The following NUDCD1 variants were observed in gnomAD, a reference collection of about 807,000 sequenced individuals.
NUDCD1 encodes nudC domain-containing protein 1.
NUDCD1 carries 60 observed loss-of-function variants against 67.8 expected under a neutral mutation model. That is an observed-to-expected ratio of 0.88 (90% confidence interval 0.72 to 1.10). The LOEUF (loss-of-function observed/expected upper bound fraction) is 1.10, where lower values mean the gene tolerates loss of function less well. NUDCD1 is among the 50% of genes least tolerant of loss of function. The pLI is 0.00. For missense variants in NUDCD1, 643 were observed against 695.0 expected, an observed-to-expected ratio of 0.93 and a Z score of 0.84; for synonymous variants, 244 against 230.8, an observed-to-expected ratio of 1.06 and a Z score of -0.52.
At chr8:109,326,872 G>A (rs1286508469) in intron 1 of NUDCD1, among the ~76,000 whole-genome samples, 2 of 152,154 alleles carry the variant, frequency 1.3e-5, no homozygotes, top group African/African-American at 4.8e-5. Context: ...AAACAGACCT[G>A]TCTCCTGCAC....
At chr8:109,243,497 G>A (rs1028652852) in intron 9 of NUDCD1, among the ~76,000 whole-genome samples, 196 bp from the exon 10 acceptor site, 1 of 151,936 alleles carries the variant, frequency 6.6e-6, no homozygotes, top group East Asian at 1.9e-4. Flanking sequence ...ACAAAAATAC[G>A]ACTTTAATTC....
At chr8:109,300,915 T>TA (rs1270410992) in intron 2 of NUDCD1, among the ~76,000 whole-genome samples, 1 of 152,180 alleles carries the variant, frequency 6.6e-6, no homozygotes, top group African/African-American at 2.4e-5. Context: ...GCTGAAGCCC[T>TA]ACAAGCTAGA....
intron 4 of NUDCD1, among the ~76,000 whole-genome samples, chr8:109,293,022 G>C (rs559887356): frequency 6.6e-6 from 1 of 151,670 alleles, no homozygotes; most frequent in African/African-American, 2.4e-5. Flanking sequence ...TTAGGTATAT[G>C]TTTCTGTGTA....
chr8:109,269,724 G>C (rs534364204), intron 8 of NUDCD1, among the ~76,000 whole-genome samples: 1 of 151,958 alleles, frequency 6.6e-6, no homozygotes, highest in Admixed American at 6.6e-5. Context: ...AGACCAAGTT[G>C]TTCTCAATCT....
chr8:109,277,383 T>C (rs1814314654), intron 6 of NUDCD1, among the ~76,000 whole-genome samples: 1 of 152,154 alleles, frequency 6.6e-6, no homozygotes, highest in African/African-American at 2.4e-5. Context: ...CCATCATTAA[T>C]TTGCACAGTT....
chr8:109,296,349 T>C, intron 3 of NUDCD1, 35 bp downstream of exon 3: 1 of 1,552,748 alleles, frequency 6.4e-7, no homozygotes, highest in Non-Finnish European at 8.9e-7. Context: ...ACATATACTT[T>C]CTGGACTTCG....
intron 1 of NUDCD1, among the ~76,000 whole-genome samples, chr8:109,330,795 C>G (rs1563688399): frequency 6.6e-6 from 1 of 152,140 alleles, no homozygotes; most frequent in East Asian, 1.9e-4. Flanking sequence ...GAACAGAACA[C>G]AAAACACCAC....
intron 8 of NUDCD1, among the ~76,000 whole-genome samples, chr8:109,245,911 G>A (rs1401402045): frequency 1.3e-5 from 2 of 152,210 alleles, no homozygotes; most frequent in African/African-American, 4.8e-5. Flanking sequence ...TGAGCAGCAG[G>A]CAAGGGAGCA....
intron 8 of NUDCD1, among the ~76,000 whole-genome samples, chr8:109,247,362 TA>T (rs1813522517): frequency 6.6e-6 from 1 of 152,152 alleles, no homozygotes; most frequent in East Asian, 1.9e-4. Context: ...TTATGAGGAT[TA>T]ATATAATTGA....
intron 1 of NUDCD1, among the ~76,000 whole-genome samples, chr8:109,332,829 T>A (rs1011336930): frequency 6.6e-5 from 10 of 152,188 alleles, no homozygotes; most frequent in Non-Finnish European, 1.2e-4. Context: ...CTCATCCTAG[T>A]CAACTCTTAA....
At chr8:109,327,827 C>G (rs62509871) in intron 1 of NUDCD1, among the ~76,000 whole-genome samples, 8 of 152,168 alleles carry the variant, frequency 5.3e-5, no homozygotes, top group Non-Finnish European at 1.2e-4. Context: ...ATAAAAAAGG[C>G]TTCCTTTTCT....
chr8:109,243,366 T>C (rs1813420692), intron 9 of NUDCD1, 65 bp from the exon 10 acceptor site: 5 of 1,234,194 alleles, frequency 4.1e-6, no homozygotes, highest in Non-Finnish European at 5.6e-6. Context: ...AAAATGATGA[T>C]TTAACATTTA....
At chr8:109,275,079 TAG>T (rs1181343851) in intron 7 of NUDCD1, among the ~76,000 whole-genome samples, 1 of 151,688 alleles carries the variant, frequency 6.6e-6, no homozygotes, top group African/African-American at 2.4e-5. Flanking sequence ...AGAATACATG[TAG>T]AGAGAGAGAG....
chr8:109,242,965 A>G lies in NUDCD1; in HGVS notation c.*44T>C. 7.6e-7 allele frequency: 1 copy of G among 1,320,066 alleles called. No individual in the cohort carries two copies. The highest frequency in any genetic ancestry group is 1.1e-6 in the Non-Finnish European group (1 of 931,970). 81.8% of individuals were successfully genotyped at this position (1,320,066 alleles called of 1,614,324 possible). On this transcript the variant is annotated 3_prime_UTR_variant, in exon 10 of 10. Coordinates refer to ENST00000239690, the MANE Select transcript of NUDCD1 (RefSeq NM_032869.4). ...ATAACTGTCCAGACCTCCAGGTACCACTGAATACTTTTCCAGTACAAAGAG... is the reference window on the plus strand; with the variant it reads ...ATAACTGTCCAGACCTCCAGGTACCGCTGAATACTTTTCCAGTACAAAGAG...
At chr8:109,318,609 C>T (rs1251946754) in intron 2 of NUDCD1, among the ~76,000 whole-genome samples, 4 of 126,150 alleles carry the variant, frequency 3.2e-5, no homozygotes, top group African/African-American at 1.1e-4. Context: ...GAGTAAGAGG[C>T]CAGATTGCAT....
At chr8:109,276,748 C>T (rs1204386352) in intron 6 of NUDCD1, among the ~76,000 whole-genome samples, 2 of 152,126 alleles carry the variant, frequency 1.3e-5, no homozygotes, top group African/African-American at 4.8e-5. Flanking sequence ...CTCCAACTCC[C>T]GGGTTCAAGT....
rs567294329 is a variant in NUDCD1 at position 109,322,521 on chromosome 8, T to C, written c.119-58A>G. 1.3e-5 allele frequency: 18 copies of C among 1,397,584 alleles called. No individual in the cohort carries two copies. The East Asian group carries it at 2.5e-4, about 20-fold the overall frequency. 86.6% of individuals were successfully genotyped at this position (1,397,584 alleles called of 1,614,324 possible). ...AGAGTTTTGCCTCAGATAGTTTCTATCTGTAGAATGCCTACAAGGCAAAAA... is the reference window on the plus strand; with the variant it reads ...AGAGTTTTGCCTCAGATAGTTTCTACCTGTAGAATGCCTACAAGGCAAAAA... On this transcript the variant is annotated intron_variant, in intron 1 of 9. Transcript: ENST00000239690.
In NUDCD1 at chr8:109,249,750, A is replaced by C. The variant is rs1813579670; in HGVS notation, c.1300-4269T>G. ...TTAAAGTTTAAAATCCAAAGTAAACAAACTAGTCAATTTTTTGATGGCAGT... is the reference window on the plus strand; with the variant it reads ...TTAAAGTTTAAAATCCAAAGTAAACCAACTAGTCAATTTTTTGATGGCAGT... On this transcript the variant is annotated intron_variant, in intron 8 of 9. Coordinates refer to ENST00000239690, the MANE Select transcript of NUDCD1 (RefSeq NM_032869.4). 2.6e-5 allele frequency among the ~76,000 whole-genome samples: 4 copies of C among 152,304 alleles called. No homozygotes were observed. In the East Asian group the frequency reaches 7.7e-4, roughly 29 times the overall value.
chr8:109,301,901 C>A (rs151254727), intron 2 of NUDCD1, among the ~76,000 whole-genome samples: 3,157 of 152,332 alleles, frequency 0.021, 111 homozygotes, highest in African/African-American at 0.072. Context: ...CTGATCACTG[C>A]GGGGATGCCT....
Sources: gnomAD v4.1 joint callset for allele counts (sites outside exome capture counted in the v4.1 genomes callset) on GRCh38, gnomAD v4.1.1 for gene constraint, MANE v1.5 for transcripts, NCBI Gene and HGNC (gene_info 2026-07-23, HGNC 2026-07-21) for gene names.